SMG1: variants seen among roughly 807,000 people sequenced by gnomAD.
The protein encoded by SMG1 is SMG1 nonsense mediated mRNA decay associated PI3K related kinase.
In SMG1, 22 loss-of-function variants were observed where a neutral mutation model predicts 419.9. That is an observed-to-expected ratio of 0.05 (90% CI 0.04 to 0.07). The LOEUF (loss-of-function observed/expected upper bound fraction) is 0.07. Among genes scored for constraint, SMG1 ranks in the 10% least tolerant of loss-of-function variants. The pLI is 1.00. For synonymous variants in SMG1, 1,538 were observed against 1,553.5 expected (o/e 0.99, Z 0.23); for missense variants, 3,185 against 4,342.0 (o/e 0.73, Z 7.49).
In SMG1 at chr16:18,882,304, T is replaced by C. The variant is rs2036433542; in HGVS notation, c.1154A>G (p.Asp385Gly). ...LSHVASGESVDEDVPPPSVSL... is the reference protein window; with the variant it reads ...LSHVASGESVGEDVPPPSVSL... ...CACTGATGGAGGAGGGACATCTTCA[T>C]CCACTGATTCCCCAGAGGCCACATG... Residue 385 changes from aspartate (D) to glycine (G), a missense_variant, in exon 10 of 63, where the codon GAT (aspartate) becomes GGT (glycine). By Grantham distance (94) the Asp-to-Gly change is moderately conservative. This residue lies in a region of SMG1 where 52 missense variants were observed against 69.0 expected (regional missense o/e 0.75). Coordinates refer to ENST00000446231, the MANE Select transcript of SMG1 (RefSeq NM_015092.5). 6.2e-7 allele frequency: 1 copy of C among 1,609,322 alleles called. No individual in the cohort carries two copies. The highest frequency in any genetic ancestry group is 8.5e-7 in the Non-Finnish European group (1 of 1,178,610).
intron 42 of SMG1, among the ~76,000 whole-genome samples, chr16:18,839,455 G>C (rs1159241009): frequency 4.6e-5 from 7 of 152,054 alleles, no homozygotes; most frequent in African/African-American, 4.8e-5. Flanking sequence ...TCAGTTTTCT[G>C]TTCCTGTGTT....
intron 13 of SMG1, 108 bp from the exon 14 acceptor site, chr16:18,872,732 TAC>T (rs1425632136): frequency 2.3e-5 from 24 of 1,033,350 alleles, no homozygotes; most frequent in Admixed American, 2.7e-5. Flanking sequence ...AAATTAAAAT[TAC>T]AGACTGCAAG....
intron 39 of SMG1, among the ~76,000 whole-genome samples, chr16:18,843,492 GA>G (rs1441592365): frequency 6.6e-6 from 1 of 151,970 alleles, no homozygotes; most frequent in Non-Finnish European, 1.5e-5. Flanking sequence ...GCTTCCATGT[GA>G]AAAAATGTAA....
At chr16:18,866,461 A>G (rs1202377615) in intron 23 of SMG1, 160 bp downstream of exon 23, 4 of 705,884 alleles carry the variant, frequency 5.7e-6, no homozygotes, top group Non-Finnish European at 9.7e-6. Flanking sequence ...TGCTAACTAA[A>G]GAACAAACTG....
Position 18,925,990 on chromosome 16 carries a change from C to G in SMG1, c.52G>C (p.Gly18Arg), listed in dbSNP as rs1489871120. The change falls in exon 1 of 63, where the codon GGC (glycine) becomes CGC (arginine). Residue 18 changes from glycine (G) to arginine (R), a missense_variant. Coordinates refer to ENST00000446231, the MANE Select transcript of SMG1 (RefSeq NM_015092.5). ...TTCCAGCTCCGCGGATACTTGGTGC[C>G]GCCGCCGCCGCCGCCGCTGCTCAGC... is the stretch of plus-strand genomic sequence containing the variant. ...SRLSSGGGGGGTKYPRSWNDW... is the reference protein window; with the variant it reads ...SRLSSGGGGGRTKYPRSWNDW... 1 of 1,506,038 alleles carries G rather than the reference C, an allele frequency of 6.6e-7. No individual in the cohort carries two copies. The highest frequency in any genetic ancestry group is 1.9e-5 in the Admixed American group (1 of 52,806). The allele number at this position is 1,506,038 out of a possible 1,614,324, so 93.3% of individuals were successfully genotyped here.
rs558849980 is a variant in SMG1, at chr16:18,891,808, G to T, written c.549+410C>A. Among the ~76,000 whole-genome samples, 3 of 152,314 alleles carry T rather than the reference G, an allele frequency of 2.0e-5. No homozygotes were observed. The East Asian group carries it at 5.8e-4, about 29-fold the overall frequency. On this transcript the variant is annotated intron_variant, in intron 4 of 62. Transcript: ENST00000446231. ...CCTTCCTATACTTTGTTACATTTCT[G>T]TTGTTGTTTTAAGAGACAAGGACTC...
At chr16:18,849,069 C>CAAAAAAAAAAAA (rs58373081) in intron 36 of SMG1, 148 bp downstream of exon 36, 3 of 110,710 alleles carry the variant, frequency 2.7e-5, no homozygotes, top group African/African-American at 2.3e-4. Flanking sequence ...GACTCCATCT[C>CAAAAAAAAAAAA]AAAAAAAAAA....
intron 1 of SMG1, among the ~76,000 whole-genome samples, chr16:18,923,498 GC>G (rs1453462754): frequency 6.6e-6 from 1 of 151,982 alleles, no homozygotes; most frequent in African/African-American, 2.4e-5. Context: ...ACAAAAATTA[GC>G]TGGACGCCTG....
At chr16:18,923,687 G>A (rs189690947) in intron 1 of SMG1, among the ~76,000 whole-genome samples, 2 of 150,632 alleles carry the variant, frequency 1.3e-5, no homozygotes, top group East Asian at 3.9e-4. Flanking sequence ...AAAACACCAG[G>A]GACAAAATGG....
Position 18,836,826 on chromosome 16 carries a change from A to G in SMG1, c.7605-294T>C, listed in dbSNP as rs528334492. Among the ~76,000 whole-genome samples the G allele has an allele frequency of 2.4e-4, 36 of 152,342 alleles. No individual in the cohort carries two copies. The East Asian group carries it at 6.4e-3, about 27-fold the overall frequency. On this transcript the variant is annotated intron_variant, in intron 46 of 62. Transcript: ENST00000446231. ...CTGAGAGCCTCACACAATGCTTGAC[A>G]CTTTCATATTCAACTACCCTTTTAC...
intron 42 of SMG1, among the ~76,000 whole-genome samples, chr16:18,839,425 T>A (rs989688210): frequency 3.9e-5 from 6 of 152,186 alleles, no homozygotes; most frequent in African/African-American, 1.4e-4. Flanking sequence ...CTCCCACTTA[T>A]AAGTGAGAAC....
intron 1 of SMG1, among the ~76,000 whole-genome samples, chr16:18,905,809 A>G (rs1333071902): frequency 6.6e-6 from 1 of 151,866 alleles, no homozygotes; most frequent in Non-Finnish European, 1.5e-5. Context: ...ACGGGGTTTC[A>G]CCATGTTGGC....
At chr16:18,897,058 T>C (rs902499440) in intron 1 of SMG1, 102 bp from the exon 2 acceptor site, 3 of 787,690 alleles carry the variant, frequency 3.8e-6, no homozygotes, top group Admixed American at 5.5e-5. Flanking sequence ...TAACCATTAC[T>C]ATTTAGTGTA....
intron 62 of SMG1, among the ~76,000 whole-genome samples, chr16:18,811,548 C>A (rs1280284451): frequency 1.3e-5 from 2 of 152,096 alleles, no homozygotes; most frequent in African/African-American, 2.4e-5. Context: ...TAAAACAGGG[C>A]TAGGGGAAAG....
chr16:18,892,857 A>G (rs369834994), intron 3 of SMG1, among the ~76,000 whole-genome samples: 1 of 152,282 alleles, frequency 6.6e-6, no homozygotes, highest in African/African-American at 2.4e-5. Flanking sequence ...CAAATAACAG[A>G]CCCTCAAAAA....
At chr16:18,855,928 C>T (rs538004697) in intron 29 of SMG1, among the ~76,000 whole-genome samples, 3 of 152,300 alleles carry the variant, frequency 2.0e-5, no homozygotes, top group South Asian at 4.1e-4. Flanking sequence ...GTTACTGATG[C>T]CTTCCAGCAT....
intron 1 of SMG1, among the ~76,000 whole-genome samples, chr16:18,919,652 A>G (rs868018597): frequency 0.022 from 762 of 34,810 alleles, 9 homozygotes; most frequent in South Asian, 0.045. Context: ...GTGTGTGTGT[A>G]TATATACACA....
chr16:18,876,089 T>G, intron 13 of SMG1, 35 bp downstream of exon 13: 1 of 1,607,854 alleles, frequency 6.2e-7, no homozygotes, highest in Non-Finnish European at 8.5e-7. Context: ...GGCTTAACTG[T>G]GGATAAAACA....
intron 57 of SMG1, among the ~76,000 whole-genome samples, chr16:18,816,964 CT>C (rs2032054409): frequency 6.6e-6 from 1 of 152,332 alleles, no homozygotes; most frequent in South Asian, 2.1e-4. Context: ...CATAAGCCCT[CT>C]TTCTCCTGCT....
Sources: gnomAD v4.1 joint callset for allele counts (sites outside exome capture counted in the v4.1 genomes callset) on GRCh38, gnomAD v4.1.1 for gene constraint, gnomAD v4.1.1 regional missense constraint, MANE v1.5 for transcripts, NCBI Gene and HGNC (gene_info 2026-07-23, HGNC 2026-07-21) for gene names.